Variants in INPP4B observed in about 807,000 individuals in gnomAD.
The protein encoded by INPP4B is inositol polyphosphate 4-phosphatase type II.
A neutral mutation model predicts 122.5 loss-of-function variants in INPP4B; 55 were observed. That is an observed-to-expected ratio of 0.45 (90% CI 0.36 to 0.56). INPP4B has a LOEUF of 0.56. Ranked by LOEUF, INPP4B falls within the 20% of genes least tolerant of loss-of-function variation. INPP4B has a pLI of 0.00. For synonymous variants in INPP4B, 403 were observed against 388.7 expected (o/e 1.04, Z -0.43); for missense variants, 1,000 against 1,097.7 (o/e 0.91, Z 1.26).
intron 25 of INPP4B, among the ~76,000 whole-genome samples, chr4:142,076,842 TAGC>T (rs1330627942): frequency 6.6e-6 from 1 of 152,070 alleles, no homozygotes; most frequent in African/African-American, 2.4e-5. Context: ...TATGAAATAA[TAGC>T]AGCTCTTCTC....
At chr4:142,518,560 A>T (rs1472253182) in intron 2 of INPP4B, 2 of 152,018 alleles carry the variant, frequency 1.3e-5, no homozygotes, top group Non-Finnish European at 2.9e-5. Context: ...TTACACACAC[A>T]CTCACATAAC....
chr4:142,498,159 A>C (rs2149808699), intron 2 of INPP4B, among the ~76,000 whole-genome samples: 1 of 151,064 alleles, frequency 6.6e-6, no homozygotes, highest in South Asian at 2.1e-4. Flanking sequence ...ATGTGTATAC[A>C]TATATATGTA....
At chr4:142,685,800 A>AT (rs1422076969) in intron 2 of INPP4B, among the ~76,000 whole-genome samples, 2 of 152,058 alleles carry the variant, frequency 1.3e-5, no homozygotes, top group Non-Finnish European at 2.9e-5. Context: ...CTATGTGTAC[A>AT]TTTTTTCATA....
chr4:142,227,120 A>T (rs774667789), intron 12 of INPP4B, among the ~76,000 whole-genome samples: 1 of 152,264 alleles, frequency 6.6e-6, no homozygotes, highest in African/African-American at 2.4e-5. Flanking sequence ...ATGGCAGTGG[A>T]TGCAACTGAT....
intron 9 of INPP4B, among the ~76,000 whole-genome samples, chr4:142,288,849 C>T (rs1436428378): frequency 6.6e-6 from 1 of 152,098 alleles, no homozygotes; most frequent in African/African-American, 2.4e-5. Context: ...TTAAATGAGA[C>T]AACGTGTACA....
intron 23 of INPP4B, among the ~76,000 whole-genome samples, chr4:142,098,365 A>C (rs336305): frequency 0.62 from 93,452 of 150,904 alleles, 30,329 homozygotes; most frequent in Non-Finnish European, 0.71. Context: ...ACAACAACAA[A>C]AAAAAAACTA....
Position 142,029,860 on chromosome 4 carries a change from T to C in INPP4B, c.2643-946A>G, listed in dbSNP as rs1578658868. On this transcript the variant is annotated intron_variant, in intron 25 of 25. Transcript: ENST00000262992. ...AGAACTTCAAGCTTTCAGGATTCTG[T>C]TCTTTGTCTTATTCCAAAGACAGTA... 8 of 1,084,276 alleles carry C rather than the reference T, an allele frequency of 7.4e-6. No individual in the cohort carries two copies. The East Asian group carries it at 4.7e-4, about 64-fold the overall frequency. 67.2% of individuals were successfully genotyped at this position (1,084,276 alleles called of 1,614,324 possible).
chr4:142,508,408 G>T (rs888532554), intron 2 of INPP4B, among the ~76,000 whole-genome samples: 1 of 152,066 alleles, frequency 6.6e-6, no homozygotes, highest in Non-Finnish European at 1.5e-5. Flanking sequence ...GAGGTAGCTG[G>T]GACTTACAGG....
At chr4:142,706,368 T>C (rs1165927160) in intron 2 of INPP4B, among the ~76,000 whole-genome samples, 2 of 152,244 alleles carry the variant, frequency 1.3e-5, no homozygotes, top group Admixed American at 6.5e-5. Context: ...GGTTCATGAT[T>C]GATATTTGAT....
chr4:142,621,518 A>G (rs536803545), intron 2 of INPP4B, among the ~76,000 whole-genome samples: 1 of 152,078 alleles, frequency 6.6e-6, no homozygotes, highest in South Asian at 2.1e-4. Flanking sequence ...TAATACTAAT[A>G]TAAGAGATAA....
chr4:142,356,981 C>T (rs932234153), intron 7 of INPP4B, among the ~76,000 whole-genome samples: 7 of 152,010 alleles, frequency 4.6e-5, no homozygotes, highest in African/African-American at 1.4e-4. Context: ...CTGGTGAATA[C>T]AACTATGTGC....
chr4:142,260,594 ATTTTGAGAACAATC>A, intron 10 of INPP4B, 30 bp from the exon 11 acceptor site: 16 of 1,096,844 alleles, frequency 1.5e-5, no homozygotes, highest in Non-Finnish European at 1.8e-5. Context: ...AAAAAAAAAA[ATTTTGAGAACAATC>A]AAAATAAGGA....
chr4:142,732,293 A>C (rs1260315422), intron 1 of INPP4B, among the ~76,000 whole-genome samples: 1 of 152,156 alleles, frequency 6.6e-6, no homozygotes, highest in Non-Finnish European at 1.5e-5. Flanking sequence ...TCTCATCTAT[A>C]ATCCAGCTTT....
intron 1 of INPP4B, among the ~76,000 whole-genome samples, chr4:142,759,521 TAA>T (rs1770987181): frequency 1.3e-5 from 2 of 152,120 alleles, no homozygotes; most frequent in East Asian, 1.9e-4. Context: ...CATCTTATAT[TAA>T]GTCTCTTGTA....
intron 18 of INPP4B, among the ~76,000 whole-genome samples, chr4:142,142,987 AAGG>A (rs1318798573): frequency 6.6e-6 from 1 of 152,060 alleles, no homozygotes; most frequent in Non-Finnish European, 1.5e-5. Flanking sequence ...CAGACCTATG[AAGG>A]AGAAGAGTTG....
chr4:142,825,752 T>C (rs952006460), intron 1 of INPP4B, among the ~76,000 whole-genome samples: 1 of 151,934 alleles, frequency 6.6e-6, no homozygotes, highest in Admixed American at 6.6e-5. Flanking sequence ...AGAGGCAGAA[T>C]TGGAATAGAA....
intron 1 of INPP4B, among the ~76,000 whole-genome samples, chr4:142,750,244 T>C (rs1769465161): frequency 6.6e-6 from 1 of 152,008 alleles, no homozygotes; most frequent in Admixed American, 6.6e-5. Context: ...TTAGGGAATA[T>C]GTAAGTGTTC....
intron 12 of INPP4B, among the ~76,000 whole-genome samples, chr4:142,229,174 T>C (rs1479799384): frequency 3.3e-5 from 5 of 151,682 alleles, no homozygotes; most frequent in Non-Finnish European, 7.4e-5. Flanking sequence ...TATTGATGTA[T>C]AATATAAATT....
intron 2 of INPP4B, among the ~76,000 whole-genome samples, chr4:142,493,721 G>C (rs1822171044): frequency 1.3e-5 from 2 of 152,124 alleles, no homozygotes. Context: ...AGGCTCAGGT[G>C]GAAGGGACTT....
Sources: allele counts gnomAD v4.1 joint callset (sites outside exome capture counted in the v4.1 genomes callset), GRCh38; gene constraint gnomAD v4.1.1; transcripts MANE v1.5; gene names NCBI Gene and HGNC (gene_info 2026-07-23, HGNC 2026-07-21).